Variants in EML5 observed in about 807,000 individuals in gnomAD.
EML5 encodes the protein echinoderm microtubule-associated protein-like 5.
EML5 carries 120 observed loss-of-function variants against 250.0 expected under a neutral mutation model. That is an observed-to-expected ratio of 0.48 (90% CI 0.41 to 0.56). EML5 has a LOEUF of 0.56. Among genes scored for constraint, EML5 ranks in the 20% least tolerant of loss-of-function variants. The pLI is 0.00. For synonymous variants in EML5, 771 were observed against 806.5 expected, an observed-to-expected ratio of 0.96 and a Z score of 0.75; for missense variants, 2,006 against 2,437.6, an observed-to-expected ratio of 0.82 and a Z score of 3.73.
intron 1 of EML5, among the ~76,000 whole-genome samples, chr14:88,761,459 TCTGTTC>T (rs1363733010): frequency 6.6e-6 from 1 of 152,224 alleles, no homozygotes; most frequent in Non-Finnish European, 1.5e-5. Flanking sequence ...TGTTTGGTTT[TCTGTTC>T]CTATGTTAGT....
At position 88,615,752 on chromosome 14, in the gene EML5, G is replaced by C; in HGVS notation, c.*66C>G. The C allele has an allele frequency of 6.6e-7, 1 of 1,514,832 alleles. No individual in the cohort carries two copies. The highest frequency in any genetic ancestry group is 9.0e-7 in the Non-Finnish European group (1 of 1,108,862). The allele number at this position is 1,514,832 out of a possible 1,614,324, so 93.8% of individuals were successfully genotyped here. A position where few individuals can be genotyped will look rare whatever the true frequency, so the allele number is the denominator to read the frequency against. On this transcript the variant is annotated 3_prime_UTR_variant, in exon 44 of 44. Coordinates refer to ENST00000554922, the MANE Select transcript of EML5 (RefSeq NM_183387.3). Reference sequence around the variant, plus strand: ...AGCACCACTTGACCATGCAGGGTTGGGTTTTGGTTTTTCTTCTCTGTAATT... The same window carrying C: ...AGCACCACTTGACCATGCAGGGTTGCGTTTTGGTTTTTCTTCTCTGTAATT...
At chr14:88,729,020 A>C (rs2093711256) in intron 7 of EML5, among the ~76,000 whole-genome samples, 2 of 152,144 alleles carry the variant, frequency 1.3e-5, no homozygotes, top group East Asian at 3.8e-4. Context: ...CATATCCAGA[A>C]AATTTGCTAA....
intron 1 of EML5, among the ~76,000 whole-genome samples, chr14:88,759,706 T>TAAAAAAAA (rs2094212320): frequency 1.5e-5 from 1 of 66,162 alleles, no homozygotes. Flanking sequence ...AAAAAAAAAC[T>TAAAAAAAA]GGGGAGAAAA....
intron 41 of EML5, 192 bp downstream of exon 41, chr14:88,618,019 AAACTTGATAAATCATGG>A: frequency 2.6e-6 from 1 of 384,552 alleles, no homozygotes; most frequent in Admixed American, 4.1e-5. Context: ...CTTAAAAAAA[AAACTTGATAAATCATGG>A]AAACTGATAA....
At position 88,746,194 on chromosome 14, in the gene EML5, A is replaced by G. The variant is rs764098015; in HGVS notation, c.447T>C (p.His149=). ...RGKMLSMAPG[H]TDRIFDISWD... ...AAAAGAGAATACTTACTCTATCTGT[A>G]TGACCAGGAGCCATAGACAACATTT... The change falls in exon 3 of 44, where the codon CAT becomes CAC. Residue 149 remains histidine, a synonymous_variant. Coordinates refer to ENST00000554922, the MANE Select transcript of EML5 (RefSeq NM_183387.3). 43 of 1,612,260 alleles carry G rather than the reference A, an allele frequency of 2.7e-5. No individual in the cohort carries two copies. Among genetic ancestry groups the G allele is most frequent in the Non-Finnish European group, 3.4e-5 (40 of 1,178,786 alleles).
chr14:88,612,715 GAGATC>G lies in EML5; in HGVS notation c.*3098_*3102del, dbSNP rs901817901. On this transcript the variant is annotated 3_prime_UTR_variant, in exon 44 of 44. Coordinates refer to ENST00000554922, the MANE Select transcript of EML5 (RefSeq NM_183387.3). ...TTTAAATGACAGAACTATAATTACA[GAGATC>G]AGATCAGATAGGTAAACTGCAAGAT... The G allele has an allele frequency of 3.3e-5, 5 of 152,526 alleles. No individual in the cohort carries two copies. The highest frequency in any genetic ancestry group is 5.9e-5 in the Non-Finnish European group (4 of 68,024). 9.4% of individuals were successfully genotyped at this position (152,526 alleles called of 1,614,324 possible).
chr14:88,728,321 TGCACCAGTTAGAA>T (rs77726584), intron 7 of EML5, among the ~76,000 whole-genome samples: 39,702 of 151,936 alleles, frequency 0.26, 5,305 homozygotes, highest in East Asian at 0.37. Flanking sequence ...CCTTGAATAA[TGCACCAGTTAGAA>T]GCACCAATTC....
intron 16 of EML5, among the ~76,000 whole-genome samples, chr14:88,694,884 T>C (rs1040390783): frequency 6.6e-6 from 1 of 152,168 alleles, no homozygotes; most frequent in Non-Finnish European, 1.5e-5. Flanking sequence ...CACTGTTGAC[T>C]AGTTCCTCCT....
Position 88,688,336 on chromosome 14 carries a change from T to C in EML5, c.2677A>G (p.Ile893Val). 1 of 1,614,008 alleles carries C rather than the reference T, an allele frequency of 6.2e-7. No individual in the cohort carries two copies. Among genetic ancestry groups the C allele is most frequent in the Non-Finnish European group, 8.5e-7 (1 of 1,179,896 alleles). The change falls in exon 18 of 44, where the codon ATC (isoleucine) becomes GTC (valine). Residue 893 changes from isoleucine to valine, a missense_variant. Physicochemically the swap from Ile to Val is conservative, Grantham distance 29. Around this residue, in one of 7 missense-constraint regions of EML5, gnomAD observed 1,375 missense variants for 1,590.3 expected, o/e 0.86. Transcript: ENST00000554922. ...GCTTTCACTGTTTTTACAAGAAAGA[T>C]GTCTCTCCAGATACACACATCTCCT... ...STGDVCIWRD[I>V]FLVKTVKAHD...
At chr14:88,628,038 A>G (rs1257609015) in intron 33 of EML5, 2 of 584,480 alleles carry the variant, frequency 3.4e-6, no homozygotes, top group Non-Finnish European at 3.1e-6. Context: ...ACACTTCTTC[A>G]GGCCATATTC....
intron 2 of EML5, among the ~76,000 whole-genome samples, chr14:88,751,229 T>G (rs545188589): frequency 2.6e-5 from 4 of 152,202 alleles, no homozygotes; most frequent in Non-Finnish European, 4.4e-5. Context: ...TTTTTATCAT[T>G]TTTTACTTTA....
At chr14:88,664,087 G>A (rs1357952388) in intron 23 of EML5, among the ~76,000 whole-genome samples, 1 of 151,498 alleles carries the variant, frequency 6.6e-6, no homozygotes, top group Non-Finnish European at 1.5e-5. Flanking sequence ...GGACCAGCCT[G>A]GGCAATATAG....
chr14:88,746,011 G>A (rs1377677707), intron 3 of EML5, among the ~76,000 whole-genome samples, 174 bp downstream of exon 3: 1 of 152,138 alleles, frequency 6.6e-6, no homozygotes, highest in African/African-American at 2.4e-5. Context: ...CAATACATAT[G>A]TACTCTAACA....
At chr14:88,747,372 A>G (rs933742059) in intron 2 of EML5, among the ~76,000 whole-genome samples, 1 of 152,134 alleles carries the variant, frequency 6.6e-6, no homozygotes, top group Non-Finnish European at 1.5e-5. Context: ...AGGTCGTTCC[A>G]CTGCACTCTA....
intron 14 of EML5, among the ~76,000 whole-genome samples, chr14:88,702,205 A>G (rs2093226528): frequency 1.3e-5 from 2 of 152,154 alleles, no homozygotes; most frequent in African/African-American, 2.4e-5. Flanking sequence ...ACAGAAATAA[A>G]ACAAGCCAGA....
chr14:88,627,044 C>T lies in EML5; in HGVS notation c.4534G>A (p.Ala1512Thr). 1 of 1,613,678 alleles carries T rather than the reference C, an allele frequency of 6.2e-7. No individual in the cohort carries two copies. The highest frequency in any genetic ancestry group is 1.3e-5 in the African/African-American group (1 of 75,022). The change falls in exon 35 of 44, where the codon GCC (alanine) becomes ACC (threonine). Residue 1512 changes from alanine (A) to threonine (T), a missense_variant and splice_region_variant. Coordinates refer to ENST00000554922, the MANE Select transcript of EML5 (RefSeq NM_183387.3). ...TGACCAGCTCTGCTGGCAATTTTGG[C>T]ACCTGACAAGATACAACAAAATTAT... is the stretch of plus-strand genomic sequence containing the variant. ...TITIWRWQEG[A>T]KIASRAGHNQ...
At chr14:88,700,537 CTT>C (rs1294060637) in intron 14 of EML5, among the ~76,000 whole-genome samples, 1 of 152,084 alleles carries the variant, frequency 6.6e-6, no homozygotes, top group East Asian at 1.9e-4. Context: ...AACGACTTAA[CTT>C]TATCTAGTCT....
chr14:88,644,414 G>A lies in EML5; in HGVS notation c.4107+19C>T, dbSNP rs201647289. ...CTCTGGATACATTTCAGTAACACTG[G>A]AGAGTGAGTTTTCCTTACCTCTATA... On this transcript the variant is annotated intron_variant, in intron 30 of 43. Coordinates refer to ENST00000554922, the MANE Select transcript of EML5 (RefSeq NM_183387.3). 2.0e-5 allele frequency: 32 copies of A among 1,610,690 alleles called. No homozygotes were observed. The African/African-American group carries it at 3.3e-4, about 17-fold the overall frequency.
chr14:88,762,547 C>T (rs2094259998), intron 1 of EML5, among the ~76,000 whole-genome samples: 1 of 152,042 alleles, frequency 6.6e-6, no homozygotes, highest in African/African-American at 2.4e-5. Flanking sequence ...GAGATTTAGA[C>T]TCCCACACAG....
Sources: gnomAD v4.1 joint callset for allele counts (sites outside exome capture counted in the v4.1 genomes callset) on GRCh38, gnomAD v4.1.1 for gene constraint, gnomAD v4.1.1 regional missense constraint, MANE v1.5 for transcripts, NCBI Gene and HGNC (gene_info 2026-07-23, HGNC 2026-07-21) for gene names.